UPP2: variants seen among roughly 807,000 people sequenced by gnomAD.
The protein encoded by UPP2 is uridine phosphorylase 2.
A neutral mutation model predicts 26.7 loss-of-function variants in UPP2; 23 were observed. The ratio of observed to expected loss-of-function variants is 0.86; its 90% CI spans 0.62 to 1.22. The LOEUF is 1.22. Ranked by LOEUF, UPP2 falls within the 50% of genes most tolerant of loss-of-function variation. The pLI is 0.00. For synonymous variants in UPP2, 127 were observed against 141.3 expected, an observed-to-expected ratio of 0.90 and a Z score of 0.72; for missense variants, 387 against 396.7, an observed-to-expected ratio of 0.98 and a Z score of 0.21.
chr2:158,090,229 A>G (rs1231278741), intron 3 of UPP2, among the ~76,000 whole-genome samples: 1 of 152,314 alleles, frequency 6.6e-6, no homozygotes, highest in South Asian at 2.1e-4. Context: ...TAGGCCGGGC[A>G]CAGTGGCTCA....
At chr2:158,109,379 T>C (rs116125424) in intron 2 of UPP2, among the ~76,000 whole-genome samples, 1 of 152,348 alleles carries the variant, frequency 6.6e-6, no homozygotes, top group Non-Finnish European at 1.5e-5. Context: ...AATTTAAGTT[T>C]ACTTCTCACT....
intron 3 of UPP2, among the ~76,000 whole-genome samples, chr2:158,033,040 A>C (rs1477837488): frequency 1.3e-5 from 2 of 152,104 alleles, no homozygotes; most frequent in African/African-American, 4.8e-5. Context: ...ATCCCGCTGT[A>C]TAATTACCCC....
chr2:158,011,619 ATGTAGGG>A (rs1683580795), intron 2 of UPP2, among the ~76,000 whole-genome samples: 1 of 141,072 alleles, frequency 7.1e-6, no homozygotes, highest in Non-Finnish European at 1.6e-5. Flanking sequence ...GTGGAGGAGG[ATGTAGGG>A]TCATGTGAAA....
intron 3 of UPP2, among the ~76,000 whole-genome samples, chr2:158,045,004 C>T (rs1166020393): frequency 1.3e-5 from 2 of 152,168 alleles, no homozygotes; most frequent in Non-Finnish European, 2.9e-5. Flanking sequence ...TATTTTCTTT[C>T]CCCCTCAAAT....
At chr2:158,094,698 G>A (rs1019182293) in intron 3 of UPP2, among the ~76,000 whole-genome samples, 2 of 152,078 alleles carry the variant, frequency 1.3e-5, no homozygotes, top group Non-Finnish European at 2.9e-5. Context: ...ATGACTTTGG[G>A]GGCCTAGAAT....
chr2:158,095,842 T>G (rs938427560), intron 3 of UPP2, among the ~76,000 whole-genome samples: 5 of 152,138 alleles, frequency 3.3e-5, no homozygotes, highest in African/African-American at 1.2e-4. Flanking sequence ...TTGAATGTGG[T>G]TATTTCGAGC....
At chr2:158,088,398 T>A (rs1412958299) in intron 3 of UPP2, among the ~76,000 whole-genome samples, 1 of 152,220 alleles carries the variant, frequency 6.6e-6, no homozygotes, top group Non-Finnish European at 1.5e-5. Context: ...TATCATTTTT[T>A]AAATTTTATT....
chr2:158,118,166 A>T (rs989206987), intron 4 of UPP2, among the ~76,000 whole-genome samples: 5 of 151,690 alleles, frequency 3.3e-5, no homozygotes, highest in Non-Finnish European at 7.4e-5. Flanking sequence ...CTATTGCGGG[A>T]TAGTCTTAGG....
At chr2:158,044,743 C>A (rs1372937031) in intron 3 of UPP2, among the ~76,000 whole-genome samples, 1 of 152,062 alleles carries the variant, frequency 6.6e-6, no homozygotes, top group Non-Finnish European at 1.5e-5. Context: ...ACAGGAAAAG[C>A]CAAATAAACT....
intron 3 of UPP2, among the ~76,000 whole-genome samples, chr2:158,080,884 G>C (rs1445704798): frequency 6.6e-6 from 1 of 152,146 alleles, no homozygotes; most frequent in African/African-American, 2.4e-5. Context: ...GGAGAGAGGA[G>C]AGGAAAGATC....
chr2:158,074,984 G>C (rs1682608794), intron 3 of UPP2, among the ~76,000 whole-genome samples: 1 of 151,848 alleles, frequency 6.6e-6, no homozygotes. Context: ...ATACTTATAT[G>C]AGACAAAATA....
rs558418924 is a variant in UPP2, at chr2:158,136,140, A to G, written c.*1250A>G. On this transcript the variant is annotated 3_prime_UTR_variant, in exon 7 of 7. Transcript: ENST00000005756. ...AGGTATTTATCATCACCAATAAACA[A>G]TCCCCCAAGAGGTACATTGGTTTGT... The G allele has an allele frequency of 6.6e-6, 1 of 152,244 alleles. No homozygotes were observed. Among genetic ancestry groups the G allele is most frequent in the Non-Finnish European group, 1.5e-5 (1 of 68,018 alleles). 9.4% of individuals were successfully genotyped at this position (152,244 alleles called of 1,614,324 possible).
chr2:158,000,077 T>C (rs891554800), intron 2 of UPP2, among the ~76,000 whole-genome samples: 1 of 152,060 alleles, frequency 6.6e-6, no homozygotes, highest in Non-Finnish European at 1.5e-5. Flanking sequence ...ATTTTTTTTT[T>C]TTTGAGACAG....
chr2:158,042,826 C>T (rs1049529906), intron 3 of UPP2, among the ~76,000 whole-genome samples: 11 of 152,082 alleles, frequency 7.2e-5, no homozygotes, highest in South Asian at 2.1e-4. Context: ...GGAAGGGAGG[C>T]GCCACACTGT....
Position 158,039,929 on chromosome 2 carries a change from T to C in UPP2, c.147+24043T>C, listed in dbSNP as rs932338356. On this transcript the variant is annotated intron_variant, in intron 3 of 9. Coordinates refer to the UPP2 transcript ENST00000605860. Reference sequence around the variant, plus strand: ...GCTGTGCCTTCCATCTGGAACTTAGTGTTAAGCCATTTGCTTGTGTGCAGG... The same window carrying C: ...GCTGTGCCTTCCATCTGGAACTTAGCGTTAAGCCATTTGCTTGTGTGCAGG... Among the ~76,000 whole-genome samples, 3 of 152,194 alleles carry C rather than the reference T, an allele frequency of 2.0e-5. No homozygotes were observed. In the South Asian group the frequency reaches 6.2e-4, roughly 32 times the overall value.
intron 3 of UPP2, among the ~76,000 whole-genome samples, chr2:158,018,988 C>A (rs1382690025): frequency 1.3e-5 from 2 of 152,148 alleles, no homozygotes; most frequent in Non-Finnish European, 2.9e-5. Context: ...ATAGGTAGAT[C>A]TCCACATGGT....
chr2:158,028,599 T>G (rs1683872710), intron 3 of UPP2, among the ~76,000 whole-genome samples: 1 of 152,192 alleles, frequency 6.6e-6, no homozygotes, highest in African/African-American at 2.4e-5. Context: ...GTTCCAAAGT[T>G]GCTTCCACAT....
At chr2:158,037,170 T>C (rs919185764) in intron 3 of UPP2, among the ~76,000 whole-genome samples, 1 of 151,906 alleles carries the variant, frequency 6.6e-6, no homozygotes, top group African/African-American at 2.4e-5. Flanking sequence ...GTCAGGAGTT[T>C]GAGACCAGTC....
At chr2:158,070,025 G>C (rs1196095205) in intron 3 of UPP2, among the ~76,000 whole-genome samples, 1 of 152,040 alleles carries the variant, frequency 6.6e-6, no homozygotes, top group African/African-American at 2.4e-5. Flanking sequence ...ACCAAACAAG[G>C]TCTGGATCTC....
Sources: allele counts gnomAD v4.1 joint callset (sites outside exome capture counted in the v4.1 genomes callset), GRCh38; gene constraint gnomAD v4.1.1; transcripts MANE v1.5; gene names NCBI Gene and HGNC (gene_info 2026-07-23, HGNC 2026-07-21).